Variants in ADAM11 observed in about 807,000 individuals in gnomAD.
ADAM11 encodes disintegrin and metalloproteinase domain-containing protein 11.
Under a neutral mutation model 119.1 loss-of-function variants are expected in ADAM11, and 49 were observed. The observed-to-expected ratio is 0.41, with a 90% CI of 0.33 to 0.52. The LOEUF (loss-of-function observed/expected upper bound fraction) is 0.52, where lower values mean the gene tolerates loss of function less well. Ranked by LOEUF, ADAM11 falls within the 20% of genes least tolerant of loss-of-function variation. The pLI is 0.20. For missense variants in ADAM11, 777 were observed against 1,047.5 expected (o/e 0.74, Z 3.56); for synonymous variants, 364 against 408.0 (o/e 0.89, Z 1.30).
At position 44,777,411 on chromosome 17, in the gene ADAM11, G is replaced by A; in HGVS notation, c.1782-71G>A. ...AATGAGGTGGCAGGGTGCAGGGTGA[G>A]GGCAGATTAGAGTTCAGTAGTTGAG... On this transcript the variant is annotated intron_variant, in intron 21 of 26. Coordinates refer to ENST00000200557, the MANE Select transcript of ADAM11 (RefSeq NM_002390.6). This position sits in a 1 kb window ranked among gnomAD's most constrained non-coding sequence, Gnocchi z 5.1. 2 of 1,566,814 alleles carry A rather than the reference G, an allele frequency of 1.3e-6. No individual in the cohort carries two copies.
chr17:44,763,254 A>C (rs540295586), intron 2 of ADAM11, among the ~76,000 whole-genome samples: 1 of 152,302 alleles, frequency 6.6e-6, no homozygotes, highest in Admixed American at 6.5e-5. Context: ...CAGCTCCCAG[A>C]GGTGGGGCTG....
In ADAM11 at chr17:44,760,022, G is replaced by A; in HGVS notation, c.237+125G>A. 6 of 1,002,692 alleles carry A rather than the reference G, an allele frequency of 6.0e-6. No individual in the cohort carries two copies. The Middle Eastern group carries it at 2.2e-3, about 363-fold the overall frequency. 62.1% of individuals were successfully genotyped at this position (1,002,692 alleles called of 1,614,324 possible). A position where few individuals can be genotyped will look rare whatever the true frequency, so the allele number is the denominator to read the frequency against. ...CCCGCAGGGTCCCCTTCTGTACAGT[G>A]GGCTATCCGGTGGGTGCTGGAGCCC... On this transcript the variant is annotated intron_variant, in intron 2 of 26. Transcript: ENST00000200557.
chr17:44,780,855 A>AC lies in ADAM11; in HGVS notation c.*1106dup, dbSNP rs2049683570. 6.6e-6 allele frequency: 1 copy of AC among 152,282 alleles called. No individual in the cohort carries two copies. Among genetic ancestry groups the AC allele is most frequent in the Non-Finnish European group, 1.5e-5 (1 of 68,064 alleles). 9.4% of individuals were successfully genotyped at this position (152,282 alleles called of 1,614,324 possible). On this transcript the variant is annotated 3_prime_UTR_variant, in exon 27 of 27. Transcript: ENST00000200557. ...CCCCATCTAGTCCATTCCACTCCCT[A>AC]CCCCCATTCCAGAGCCGAGTAGTAA...
At chr17:44,764,827 T>A (rs764544211) in intron 2 of ADAM11, among the ~76,000 whole-genome samples, 67 of 152,136 alleles carry the variant, frequency 4.4e-4, no homozygotes, top group South Asian at 8.3e-4. Flanking sequence ...GAAGAGCCGA[T>A]GGTCAACATC....
chr17:44,777,944 G>C lies in ADAM11; in HGVS notation c.2071-8G>C, dbSNP rs2049627812. The stretch of plus-strand genomic sequence containing the variant: ...TGCTCACCTCTCCTGGCCCTGCCCT[G>C]CCTCTAGGTCTGCAGCAATGAAGGG... On this transcript the variant is annotated splice_polypyrimidine_tract_variant and splice_region_variant and intron_variant, in intron 23 of 26. Coordinates refer to ENST00000200557, the MANE Select transcript of ADAM11 (RefSeq NM_002390.6). The surrounding 1 kb of genome is among the most constrained non-coding windows in gnomAD (Gnocchi z 5.1). 1 of 1,613,854 alleles carries C rather than the reference G, an allele frequency of 6.2e-7. No individual in the cohort carries two copies. Among genetic ancestry groups the C allele is most frequent in the Admixed American group, 1.7e-5 (1 of 59,972 alleles).
intron 2 of ADAM11, among the ~76,000 whole-genome samples, chr17:44,765,405 A>G (rs1246633628): frequency 6.6e-6 from 1 of 152,126 alleles, no homozygotes; most frequent in Non-Finnish European, 1.5e-5. Context: ...ATCCACCCAG[A>G]TCTGGAGCAT....
intron 2 of ADAM11, 143 bp from the exon 3 acceptor site, chr17:44,769,575 C>G (rs996683701): frequency 1.5e-6 from 1 of 657,042 alleles, no homozygotes; most frequent in Admixed American, 2.3e-5. Context: ...TTGGACAAAG[C>G]ATCTTGCCCC....
At chr17:44,768,982 G>A (rs115695932) in intron 2 of ADAM11, among the ~76,000 whole-genome samples, 318 of 152,324 alleles carry the variant, frequency 2.1e-3, no homozygotes, top group African/African-American at 7.3e-3. Flanking sequence ...TTGCTCTGGC[G>A]TGGTGTGTTG....
intron 2 of ADAM11, among the ~76,000 whole-genome samples, chr17:44,765,696 C>T (rs2049441949): frequency 7.1e-6 from 1 of 140,318 alleles, no homozygotes; most frequent in African/African-American, 2.7e-5. Flanking sequence ...TCTTGGCTCA[C>T]TGCAACCTCC....
At chr17:44,763,565 C>T (rs77663735) in intron 2 of ADAM11, among the ~76,000 whole-genome samples, 4,136 of 152,192 alleles carry the variant, frequency 0.027, 130 homozygotes, top group African/African-American at 0.075. Context: ...AGCCTGCAGC[C>T]GAGGGGTGGT....
rs1836579788 is a variant in ADAM11, at chr17:44,777,254, G to A, written c.1770G>A (p.Gln590=). 6.2e-7 allele frequency: 1 copy of A among 1,605,462 alleles called. No homozygotes were observed. Among genetic ancestry groups the A allele is most frequent in the Non-Finnish European group, 8.5e-7 (1 of 1,178,814 alleles). Residue 590 remains glutamine (Q), a synonymous_variant, in exon 21 of 27, where the codon CAG becomes CAA. Transcript: ENST00000200557. This position sits in a 1 kb window ranked among gnomAD's most constrained non-coding sequence, Gnocchi z 5.1. ...GGCGCAAGGGATCTGGCTGGGTCCAGTGCAGTAAGCAGTGAGTACTGAGGC... is the reference window on the plus strand; with the variant it reads ...GGCGCAAGGGATCTGGCTGGGTCCAATGCAGTAAGCAGTGAGTACTGAGGC... ...SCGRKGSGWV[Q]CSKQDVLCGF...
chr17:44,768,449 C>T (rs1197950432), intron 2 of ADAM11, among the ~76,000 whole-genome samples: 2 of 152,200 alleles, frequency 1.3e-5, no homozygotes, highest in African/African-American at 4.8e-5. Flanking sequence ...CATTTTACTC[C>T]ACCTTTGGGG....
intron 2 of ADAM11, among the ~76,000 whole-genome samples, chr17:44,760,705 A>C (rs1310831415): frequency 1.3e-5 from 2 of 152,088 alleles, no homozygotes; most frequent in African/African-American, 4.8e-5. Context: ...GAGACCCAGA[A>C]GAGGGGTACA....
intron 1 of ADAM11, 154 bp from the exon 2 acceptor site, chr17:44,759,568 T>G (rs2049363760): frequency 1.6e-6 from 2 of 1,281,938 alleles, no homozygotes; most frequent in Admixed American, 3.4e-5. Context: ...CCCCGCGGGC[T>G]CTTGCCTCTG....
Position 44,772,966 on chromosome 17 carries a change from G to T in ADAM11, c.753+35G>T, listed in dbSNP as rs762566986. The T allele has an allele frequency of 6.2e-7, 1 of 1,614,044 alleles. No individual in the cohort carries two copies. Among genetic ancestry groups the T allele is most frequent in the Non-Finnish European group, 8.5e-7 (1 of 1,179,930 alleles). On this transcript the variant is annotated intron_variant, in intron 9 of 26. Coordinates refer to ENST00000200557, the MANE Select transcript of ADAM11 (RefSeq NM_002390.6). The surrounding 1 kb of genome is among the most constrained non-coding windows in gnomAD (Gnocchi z 4.5). The stretch of plus-strand genomic sequence containing the variant: ...AGGGCAGGGACAGGGCGTGACACTG[G>T]GAGGCCCCTGAGGAGCCTGGCCCTC...
Position 44,772,973 on chromosome 17 carries a change from C to T in ADAM11, c.754-41C>T. 2 of 1,614,072 alleles carry T rather than the reference C, an allele frequency of 1.2e-6. No homozygotes were observed. The highest frequency in any genetic ancestry group is 1.6e-4 in the Middle Eastern group (1 of 6,062). On this transcript the variant is annotated intron_variant, in intron 9 of 26. Transcript: ENST00000200557. This position sits in a 1 kb window ranked among gnomAD's most constrained non-coding sequence, Gnocchi z 4.5. ...GGACAGGGCGTGACACTGGGAGGCC[C>T]CTGAGGAGCCTGGCCCTCCTCCCAT...
chr17:44,780,012 G>C lies in ADAM11; in HGVS notation c.*258G>C, dbSNP rs190595510. 9 of 700,734 alleles carry C rather than the reference G, an allele frequency of 1.3e-5. No individual in the cohort carries two copies. Among genetic ancestry groups the C allele is most frequent in the Non-Finnish European group, 2.3e-5 (9 of 384,914 alleles). 43.4% of individuals were successfully genotyped at this position (700,734 alleles called of 1,614,324 possible). On this transcript the variant is annotated 3_prime_UTR_variant, in exon 27 of 27. Transcript: ENST00000200557. ...CTCAGCCTTGCACACCCACTGCCCC[G>C]TGTGAATGTAGCTTCCACCTCATGG...
At chr17:44,774,639 G>T in intron 13 of ADAM11, 57 bp downstream of exon 13, 1 of 1,599,436 alleles carries the variant, frequency 6.3e-7, no homozygotes, top group Non-Finnish European at 8.5e-7. Context: ...GGAACGGGAG[G>T]GTGACAGTGG....
chr17:44,771,619 C>G lies in ADAM11; in HGVS notation c.417C>G (p.Leu139=), dbSNP rs1319673472. 6.2e-7 allele frequency: 1 copy of G among 1,611,786 alleles called. No individual in the cohort carries two copies. The highest frequency in any genetic ancestry group is 1.3e-5 in the African/African-American group (1 of 74,800). Residue 139 remains leucine, a synonymous_variant, in exon 5 of 27, where the codon CTC becomes CTG. Transcript: ENST00000200557. Reference sequence around the variant, plus strand: ...ACCACTGCTACTACCAGGGGAAGCTCCGGGGGAACCCGCACTCCTTCGCCG... The same window carrying G: ...ACCACTGCTACTACCAGGGGAAGCTGCGGGGGAACCCGCACTCCTTCGCCG... ...AGDHCYYQGK[L]RGNPHSFAAL...
Sources: gnomAD v4.1 joint callset for allele counts (sites outside exome capture counted in the v4.1 genomes callset) on GRCh38, gnomAD v4.1.1 for gene constraint, Gnocchi (gnomAD v3.1) non-coding constraint, MANE v1.5 for transcripts, NCBI Gene and HGNC (gene_info 2026-07-23, HGNC 2026-07-21) for gene names.